Variants in TXLNA observed in about 807,000 individuals in gnomAD.
TXLNA encodes alpha-taxilin.
A neutral mutation model predicts 61.4 loss-of-function variants in TXLNA; 9 were observed. That is an observed-to-expected ratio of 0.15 (90% CI 0.09 to 0.26). The LOEUF is 0.26. TXLNA is among the 10% of genes least tolerant of loss of function. TXLNA has a pLI of 1.00. For missense variants in TXLNA, 565 were observed against 688.8 expected, an observed-to-expected ratio of 0.82 and a Z score of 2.01; for synonymous variants, 257 against 267.7, an observed-to-expected ratio of 0.96 and a Z score of 0.39.
intron 3 of TXLNA, among the ~76,000 whole-genome samples, chr1:32,181,812 TTC>T (rs1642668950): frequency 6.6e-6 from 1 of 152,194 alleles, no homozygotes; most frequent in African/African-American, 2.4e-5. Flanking sequence ...ATGGGACCTG[TTC>T]TCTCTTTGAG....
Position 32,187,978 on chromosome 1 carries a change from A to ATCTGT in TXLNA, c.622_623insTCTGT (p.Lys208IlefsTer5). ...GCTGGAGGAGCACCGGAATTCACAGAAGCAGATGAAGCTCCTACAGAAAAA... is the reference window on the plus strand; with the variant it reads ...GCTGGAGGAGCACCGGAATTCACAGATCTGTAGCAGATGAAGCTCCTACAGAAAAA... On this transcript the variant is annotated frameshift_variant, in exon 5 of 11. Coordinates refer to ENST00000373610, the MANE Select transcript of TXLNA (RefSeq NM_175852.4). LOFTEE classifies it high-confidence loss of function. The ATCTGT allele has an allele frequency of 6.2e-7, 1 of 1,613,906 alleles. No homozygotes were observed. The highest frequency in any genetic ancestry group is 8.5e-7 in the Non-Finnish European group (1 of 1,179,888).
intron 3 of TXLNA, 28 bp from the exon 4 acceptor site, chr1:32,184,497 T>G (rs1369745676): frequency 1.3e-6 from 2 of 1,496,732 alleles, no homozygotes; most frequent in Non-Finnish European, 1.9e-6. Context: ...GAGAAGAGGG[T>G]GCATGTCTTT....
At chr1:32,182,948 T>C (rs1039932892) in intron 3 of TXLNA, among the ~76,000 whole-genome samples, 4 of 150,656 alleles carry the variant, frequency 2.7e-5, no homozygotes, top group Non-Finnish European at 4.4e-5. Flanking sequence ...GTGCCTATAA[T>C]CCCAGATACT....
Position 32,195,742 on chromosome 1 carries a change from T to G in TXLNA, c.*547T>G. ...AGAGCCCTGGCAGGGCGCTCAGAGC[T>G]GGGGATTTCCTGCCTGGAACAAGGG... On this transcript the variant is annotated 3_prime_UTR_variant, in exon 11 of 11. Transcript: ENST00000373610. 2.2e-6 allele frequency: 1 copy of G among 456,338 alleles called. No individual in the cohort carries two copies. Among genetic ancestry groups the G allele is most frequent in the Non-Finnish European group, 4.4e-6 (1 of 227,010 alleles). The allele number at this position is 456,338 out of a possible 1,614,324, so 28.3% of individuals were successfully genotyped here.
chr1:32,181,634 G>A lies in TXLNA; in HGVS notation c.505+57G>A, dbSNP rs72875183. The A allele has an allele frequency of 1.0e-3, 1,473 of 1,404,802 alleles. 18 individuals are homozygous for A. The African/African-American group carries it at 0.019, about 18-fold the overall frequency. 87.0% of individuals were successfully genotyped at this position (1,404,802 alleles called of 1,614,324 possible). ...TGAGGAGAGGGAGTTTGGACTTGACGTTCTCTGGGCCAGTCTGTTCTGCCA... is the reference window on the plus strand; with the variant it reads ...TGAGGAGAGGGAGTTTGGACTTGACATTCTCTGGGCCAGTCTGTTCTGCCA... On this transcript the variant is annotated intron_variant, in intron 3 of 10. Transcript: ENST00000373610.
chr1:32,188,194 C>T (rs1642827924), intron 5 of TXLNA, 70 bp downstream of exon 5: 1 of 1,468,334 alleles, frequency 6.8e-7, no homozygotes, highest in Non-Finnish European at 9.1e-7. Flanking sequence ...CTTTCATGGG[C>T]TTTCCTCTTA....
Position 32,194,057 on chromosome 1 carries a change from T to TA in TXLNA, c.1252-6dup, listed in dbSNP as rs761432241. ...TGACCATTTCCTTCTGTCTGTCACA[T>TA]AACCTAGATGACTAAGAAGATCAAG... On this transcript the variant is annotated splice_region_variant and splice_polypyrimidine_tract_variant and intron_variant, in intron 9 of 10. Transcript: ENST00000373610. 3 of 1,611,232 alleles carry TA rather than the reference T, an allele frequency of 1.9e-6. No homozygotes were observed. In the Admixed American group the frequency reaches 5.0e-5, roughly 27 times the overall value.
chr1:32,186,432 T>G (rs1642791684), intron 4 of TXLNA, among the ~76,000 whole-genome samples: 1 of 152,152 alleles, frequency 6.6e-6, no homozygotes, highest in Admixed American at 6.5e-5. Flanking sequence ...GAATAGCATA[T>G]GCATTGTATT....
In TXLNA at chr1:32,192,244, G is replaced by A; in HGVS notation, c.964-67G>A. On this transcript the variant is annotated intron_variant, in intron 6 of 10. Transcript: ENST00000373610. This position sits in a 1 kb window ranked among gnomAD's most constrained non-coding sequence, Gnocchi z 4.2. ...GGCTGGGCAAAGTGCCCTGGTCTGT[G>A]GCTGTGGGGCTACCCTGAGAAAGGG... The A allele has an allele frequency of 6.3e-7, 1 of 1,592,310 alleles. No individual in the cohort carries two copies. The highest frequency in any genetic ancestry group is 1.1e-5 in the South Asian group (1 of 88,786).
chr1:32,183,062 A>T (rs181862324), intron 3 of TXLNA, among the ~76,000 whole-genome samples: 185 of 151,808 alleles, frequency 1.2e-3, no homozygotes, highest in Non-Finnish European at 1.3e-3. Context: ...GTGAGACTCC[A>T]TCTCAAAAAA....
chr1:32,184,701 G>A, intron 4 of TXLNA, 85 bp downstream of exon 4: 2 of 856,260 alleles, frequency 2.3e-6, no homozygotes, highest in South Asian at 3.1e-5. Flanking sequence ...GCAGAGTCAA[G>A]TAGGTGGCTT....
At chr1:32,186,749 C>T (rs1441848422) in intron 4 of TXLNA, among the ~76,000 whole-genome samples, 1 of 152,136 alleles carries the variant, frequency 6.6e-6, no homozygotes, top group Non-Finnish European at 1.5e-5. Context: ...GACTGGGATG[C>T]TGGAAATTGA....
In TXLNA at chr1:32,180,379, A is replaced by C; in HGVS notation, c.34A>C (p.Lys12Gln). ...KNQDKKNGAA[K>Q]QSNPKSSPGQ... ...CCAAGACAAAAAGAACGGGGCTGCC[A>C]AACAATCCAATCCAAAAAGCAGCCC... Residue 12 changes from lysine to glutamine, a missense_variant, in exon 2 of 11, where the codon AAA (lysine) becomes CAA (glutamine). By Grantham distance (53) the Lys-to-Gln change is moderately conservative. Transcript: ENST00000373610. 2 of 1,614,052 alleles carry C rather than the reference A, an allele frequency of 1.2e-6. No homozygotes were observed. The highest frequency in any genetic ancestry group is 2.2e-5 in the East Asian group (1 of 44,880).
intron 4 of TXLNA, among the ~76,000 whole-genome samples, chr1:32,185,243 A>G (rs773185022): frequency 6.6e-6 from 1 of 151,792 alleles, no homozygotes; most frequent in Non-Finnish European, 1.5e-5. Flanking sequence ...TGCTCTTCCC[A>G]CTTTGTTGTA....
At position 32,188,072 on chromosome 1, in the gene TXLNA, G is replaced by A; in HGVS notation, c.716G>A (p.Ser239Asn). Residue 239 changes from serine (S) to asparagine (N), a missense_variant, in exon 5 of 11, where the codon AGC (serine) becomes AAC (asparagine). By Grantham distance (46) the Ser-to-Asn change is conservative. Coordinates refer to ENST00000373610, the MANE Select transcript of TXLNA (RefSeq NM_175852.4). ...GEHSKAVLAR[S>N]KLESLCRELQ... ...CACAGCAAGGCCGTCCTGGCCCGCA[G>A]CAAGCTTGAGAGCCTATGCCGTGAG... 1.3e-6 allele frequency: 2 copies of A among 1,591,162 alleles called. No homozygotes were observed. The highest frequency in any genetic ancestry group is 1.1e-5 in the South Asian group (1 of 87,808).
At chr1:32,189,957 G>A in intron 5 of TXLNA, 98 bp from the exon 6 acceptor site, 1 of 1,305,086 alleles carries the variant, frequency 7.7e-7, no homozygotes, top group Non-Finnish European at 1.1e-6. Flanking sequence ...CGCTTTGGGA[G>A]CAGGGAGGGC....
chr1:32,192,789 G>T lies in TXLNA; in HGVS notation c.1158+58G>T. On this transcript the variant is annotated intron_variant, in intron 8 of 10. Transcript: ENST00000373610. The surrounding 1 kb of genome is among the most constrained non-coding windows in gnomAD (Gnocchi z 4.2). ...AGTTTCCCTCACTGGGCCCCATCCT[G>T]GGGGTAGTGAAATGGGACCCTCATT... 3.2e-6 allele frequency: 5 copies of T among 1,575,764 alleles called. No homozygotes were observed. Among genetic ancestry groups the T allele is most frequent in the Non-Finnish European group, 4.4e-6 (5 of 1,145,962 alleles).
rs750074286 is a variant in TXLNA, at chr1:32,194,898, C to CT, written c.1348-3dup. 2 of 1,599,584 alleles carry CT rather than the reference C, an allele frequency of 1.3e-6. No homozygotes were observed. Among genetic ancestry groups the CT allele is most frequent in the Non-Finnish European group, 1.7e-6 (2 of 1,173,746 alleles). ...GGCACTGAAGGTCTCATTTCTTTCC[C>CT]TAGAAAACAGTCCGGGATAAAGAAC... On this transcript the variant is annotated splice_region_variant and splice_polypyrimidine_tract_variant and intron_variant, in intron 10 of 10. Coordinates refer to ENST00000373610, the MANE Select transcript of TXLNA (RefSeq NM_175852.4).
At chr1:32,184,989 GTCT>G (rs1282682516) in intron 4 of TXLNA, among the ~76,000 whole-genome samples, 2 of 152,168 alleles carry the variant, frequency 1.3e-5, no homozygotes, top group African/African-American at 4.8e-5. Flanking sequence ...CTCCAGAGCA[GTCT>G]TCTTGTCACT....
Sources: allele counts gnomAD v4.1 joint callset (sites outside exome capture counted in the v4.1 genomes callset), GRCh38; gene constraint gnomAD v4.1.1; non-coding constraint Gnocchi (gnomAD v3.1); transcripts MANE v1.5; gene names NCBI Gene and HGNC (gene_info 2026-07-23, HGNC 2026-07-21).